The following DIAPH3 variants were observed in gnomAD, a reference collection of about 807,000 sequenced individuals.
DIAPH3 encodes the protein diaphanous related formin 3.
In DIAPH3, 117 loss-of-function variants were observed where a neutral mutation model predicts 144.3. The ratio of observed to expected loss-of-function variants is 0.81; its 90% CI spans 0.70 to 0.95. The LOEUF (loss-of-function observed/expected upper bound fraction) is 0.95. Ranked by LOEUF, DIAPH3 falls within the 40% of genes least tolerant of loss-of-function variation. The pLI, the probability that DIAPH3 is intolerant of heterozygous loss-of-function variation, is 0.00. For synonymous variants in DIAPH3, 519 were observed against 488.9 expected (o/e 1.06, Z -0.81); for missense variants, 1,421 against 1,412.7 (o/e 1.01, Z -0.09).
chr13:59,725,537 T>A (rs1184739824), intron 27 of DIAPH3, among the ~76,000 whole-genome samples: 2 of 152,216 alleles, frequency 1.3e-5, no homozygotes, highest in African/African-American at 4.8e-5. Context: ...TGCAAATAAT[T>A]AGCATTTCAT....
At chr13:60,163,458 T>A in intron 1 of DIAPH3, 129 bp downstream of exon 1, 8 of 1,272,208 alleles carry the variant, frequency 6.3e-6, no homozygotes, top group African/African-American at 1.5e-5. Flanking sequence ...TCGTTGTCAA[T>A]CTATGATCTT....
intron 4 of DIAPH3, among the ~76,000 whole-genome samples, chr13:60,087,071 C>T (rs539708171): frequency 3.3e-5 from 5 of 152,174 alleles, no homozygotes; most frequent in South Asian, 2.1e-4. Flanking sequence ...CCCAATACAA[C>T]GTAAATGCTA....
intron 27 of DIAPH3, among the ~76,000 whole-genome samples, chr13:59,701,846 C>A (rs1276464207): frequency 1.3e-5 from 2 of 152,224 alleles, no homozygotes; most frequent in African/African-American, 2.4e-5. Flanking sequence ...CACAGATCTG[C>A]AAGGTCTTCC....
chr13:59,842,584 C>A (rs1593634716), intron 22 of DIAPH3, among the ~76,000 whole-genome samples: 1 of 152,016 alleles, frequency 6.6e-6, no homozygotes, highest in South Asian at 2.1e-4. Context: ...TCAGGCTGTA[C>A]AGGTAGAAGG....
rs1043201625 is a variant in DIAPH3 at position 60,093,872 on chromosome 13, G to A, written c.391-140C>T. 5 of 649,608 alleles carry A rather than the reference G, an allele frequency of 7.7e-6. No homozygotes were observed. The African/African-American group carries it at 9.1e-5, about 12-fold the overall frequency. The allele number at this position is 649,608 out of a possible 1,614,324, so 40.2% of individuals were successfully genotyped here. The stretch of plus-strand genomic sequence containing the variant: ...GAATGATTTACGTGTAGTTCTGCCT[G>A]AAGGAAGGAGAGAGAAAAGAGGTGG... On this transcript the variant is annotated intron_variant, in intron 3 of 27. Transcript: ENST00000400324.
At chr13:60,135,819 A>G (rs1228467250) in intron 1 of DIAPH3, among the ~76,000 whole-genome samples, 1 of 152,228 alleles carries the variant, frequency 6.6e-6, no homozygotes, top group Non-Finnish European at 1.5e-5. Context: ...AAAAATCTAA[A>G]TAAATCTAAG....
chr13:59,901,008 C>T (rs1337576048), intron 20 of DIAPH3, among the ~76,000 whole-genome samples: 1 of 152,224 alleles, frequency 6.6e-6, no homozygotes, highest in Non-Finnish European at 1.5e-5. Context: ...ATCTACTTCT[C>T]ACCAATGACA....
At chr13:60,088,857 A>G (rs2458524) in intron 4 of DIAPH3, among the ~76,000 whole-genome samples, 85,701 of 151,962 alleles carry the variant, frequency 0.56, 24,782 homozygotes, top group African/African-American at 0.62. Context: ...CCTGACCTCA[A>G]ATGATCCACC....
chr13:59,947,388 A>C (rs1301580099), intron 17 of DIAPH3, among the ~76,000 whole-genome samples: 1 of 152,228 alleles, frequency 6.6e-6, no homozygotes, highest in Admixed American at 6.5e-5. Context: ...TGATTCTCTT[A>C]ACGCTTTCCT....
At chr13:60,114,261 T>A (rs1173360632) in intron 2 of DIAPH3, among the ~76,000 whole-genome samples, 3 of 139,776 alleles carry the variant, frequency 2.1e-5, no homozygotes, top group African/African-American at 2.6e-5. Flanking sequence ...AGCAGCAAAG[T>A]CACAGATTAA....
At chr13:59,674,070 T>C (rs923410253) in intron 27 of DIAPH3, among the ~76,000 whole-genome samples, 1 of 152,214 alleles carries the variant, frequency 6.6e-6, no homozygotes, top group Non-Finnish European at 1.5e-5. Context: ...CAGCTGGTAC[T>C]GAAGTGAAGG....
At chr13:59,669,357 C>G (rs1647467060) in intron 27 of DIAPH3, among the ~76,000 whole-genome samples, 1 of 152,184 alleles carries the variant, frequency 6.6e-6, no homozygotes, top group African/African-American at 2.4e-5. Flanking sequence ...CAGACAACTG[C>G]TCCACACCTT....
intron 27 of DIAPH3, among the ~76,000 whole-genome samples, chr13:59,730,236 C>T (rs1164352985): frequency 6.6e-6 from 1 of 152,208 alleles, no homozygotes; most frequent in African/African-American, 2.4e-5. Context: ...ACACATTCTT[C>T]AATTCCCCTC....
intron 21 of DIAPH3, among the ~76,000 whole-genome samples, chr13:59,870,719 A>G (rs2044210058): frequency 1.4e-5 from 2 of 147,204 alleles, no homozygotes; most frequent in South Asian, 2.1e-4. Flanking sequence ...TGCTTAGGCT[A>G]GAGTGCAATG....
rs116030855 is a variant in DIAPH3 at position 60,108,254 on chromosome 13, A to G, written c.390+3756T>C. The stretch of plus-strand genomic sequence containing the variant: ...GCAGTTTTGAGAGGCAGGTTTAAGG[A>G]ATCCTTAACTCAGCACATGTGAAGA... On this transcript the variant is annotated intron_variant, in intron 3 of 27. Coordinates refer to ENST00000400324, the MANE Select transcript of DIAPH3 (RefSeq NM_001042517.2). Among the ~76,000 whole-genome samples the G allele has an allele frequency of 9.1e-3, 1,392 of 152,334 alleles. 25 individuals are homozygous for G. Among genetic ancestry groups the G allele is most frequent in the African/African-American group, 0.031 (1,301 of 41,574 alleles).
chr13:59,704,590 C>T (rs1170458937), intron 27 of DIAPH3, among the ~76,000 whole-genome samples: 1 of 152,162 alleles, frequency 6.6e-6, no homozygotes. Flanking sequence ...ATGGTGATCC[C>T]GTAAGACAAA....
chr13:59,904,667 C>T (rs1287497118), intron 20 of DIAPH3, among the ~76,000 whole-genome samples: 1 of 152,078 alleles, frequency 6.6e-6, no homozygotes, highest in Admixed American at 6.5e-5. Context: ...ACATCTCTAT[C>T]GTTAAGTGAG....
intron 1 of DIAPH3, among the ~76,000 whole-genome samples, chr13:60,162,607 T>G (rs748056651): frequency 3.9e-5 from 6 of 152,196 alleles, no homozygotes; most frequent in Admixed American, 2.0e-4. Flanking sequence ...GTTTCTCATT[T>G]TCAGTATTCT....
chr13:59,952,635 T>C (rs1000545924), intron 17 of DIAPH3, among the ~76,000 whole-genome samples: 2 of 152,176 alleles, frequency 1.3e-5, no homozygotes, highest in South Asian at 2.1e-4. Context: ...CCCAACCACC[T>C]TCATTATTCT....
Sources: gnomAD v4.1 joint callset for allele counts (sites outside exome capture counted in the v4.1 genomes callset) on GRCh38, gnomAD v4.1.1 for gene constraint, MANE v1.5 for transcripts, NCBI Gene and HGNC (gene_info 2026-07-23, HGNC 2026-07-21) for gene names.